PRKDC: variants seen among roughly 807,000 people sequenced by gnomAD.
PRKDC encodes DNA-dependent protein kinase catalytic subunit.
Under a neutral mutation model 486.9 loss-of-function variants are expected in PRKDC, and 82 were observed. The ratio of observed to expected loss-of-function variants is 0.17; its 90% CI spans 0.14 to 0.20. The LOEUF is 0.20. Among genes scored for constraint, PRKDC ranks in the 10% least tolerant of loss-of-function variants. PRKDC has a pLI of 1.00. For missense variants in PRKDC, 4,504 were observed against 5,038.2 expected, an observed-to-expected ratio of 0.89 and a Z score of 3.21; for synonymous variants, 1,895 against 1,837.0, an observed-to-expected ratio of 1.03 and a Z score of -0.81.
Position 47,879,647 on chromosome 8 carries a change from G to A in PRKDC, c.5079C>T (p.Val1693=). The A allele has an allele frequency of 2.5e-6, 4 of 1,578,548 alleles. No individual in the cohort carries two copies. Among genetic ancestry groups the A allele is most frequent in the Non-Finnish European group, 3.4e-6 (4 of 1,165,396 alleles). Residue 1693 remains valine, a synonymous_variant, in exon 39 of 86, where the codon GTC becomes GTT. Coordinates refer to ENST00000314191, the MANE Select transcript of PRKDC (RefSeq NM_006904.7). Reference sequence around the variant, plus strand: ...GGCTGGTGAAGAATGGAAGAAGAGTGACAGCTTGGCCCTGTGGAGCAAGAC... The same window carrying A: ...GGCTGGTGAAGAATGGAAGAAGAGTAACAGCTTGGCCCTGTGGAGCAAGAC... ...KLDLHLKGQA[V]TLLPFFTSLT...
chr8:47,836,515 C>T lies in PRKDC; in HGVS notation c.7774G>A (p.Asp2592Asn), dbSNP rs1274384392. The change falls in exon 58 of 86, where the codon GAT becomes AAT. Residue 2592 changes from aspartate (D) to asparagine (N), a missense_variant. Around this residue, in one of 6 missense-constraint regions of PRKDC, gnomAD observed 1,592 missense variants for 1,724.6 expected, o/e 0.92. Coordinates refer to ENST00000314191, the MANE Select transcript of PRKDC (RefSeq NM_006904.7). ...GTACTTCGGAAACGCCAATCAGAAT[C>T]AATGGTATATTCCTGTACATAAGAA... ...SECEFQEYTI[D>N]SDWRFRSTVL... 2 of 1,598,238 alleles carry T rather than the reference C, an allele frequency of 1.3e-6. No individual in the cohort carries two copies. Among genetic ancestry groups the T allele is most frequent in the Admixed American group, 1.7e-5 (1 of 57,406 alleles).
intron 65 of PRKDC, among the ~76,000 whole-genome samples, chr8:47,821,263 C>T (rs1336418002): frequency 6.6e-6 from 1 of 152,146 alleles, no homozygotes; most frequent in Non-Finnish European, 1.5e-5. Flanking sequence ...TGGAGAAAAG[C>T]GGAGAGCCTC....
chr8:47,818,080 A>G (rs968565127), intron 67 of PRKDC, among the ~76,000 whole-genome samples: 5 of 152,228 alleles, frequency 3.3e-5, no homozygotes, highest in African/African-American at 1.2e-4. Flanking sequence ...GATTCATAAT[A>G]ATCTTCACAA....
chr8:47,927,978 C>T, intron 19 of PRKDC, 88 bp from the exon 20 acceptor site: 1 of 1,207,188 alleles, frequency 8.3e-7, no homozygotes. Context: ...TTCTCAAATA[C>T]AAAAATTGGC....
At chr8:47,867,826 T>C (rs2088852278) in intron 40 of PRKDC, among the ~76,000 whole-genome samples, 1 of 152,252 alleles carries the variant, frequency 6.6e-6, no homozygotes, top group Non-Finnish European at 1.5e-5. Flanking sequence ...GGAGGAAGCA[T>C]GCACTCCTTC....
chr8:47,775,441 G>A (rs1269868643), intron 85 of PRKDC, among the ~76,000 whole-genome samples: 11 of 136,036 alleles, frequency 8.1e-5, no homozygotes, highest in East Asian at 6.8e-4. Context: ...GCGTGATCTC[G>A]GCTCACTGCA....
Position 47,881,467 on chromosome 8 carries a change from A to C in PRKDC, c.5016T>G (p.Phe1672Leu), listed in dbSNP as rs1483844624. The C allele has an allele frequency of 6.3e-7, 1 of 1,580,084 alleles. No individual in the cohort carries two copies. Among genetic ancestry groups the C allele is most frequent in the Admixed American group, 1.7e-5 (1 of 59,098 alleles). Residue 1672 changes from phenylalanine (F) to leucine (L), a missense_variant, in exon 38 of 86, where the codon TTT becomes TTG. Physicochemically the swap from Phe to Leu is conservative, Grantham distance 22. Transcript: ENST00000314191. ...CAGCAAGTAGACTAATATATGTTGT[A>C]AAGACTTCAGGGAATGAACCATGAC... ...NTSHGSFPEV[F>L]TTYISLLADT...
Position 47,830,650 on chromosome 8 carries a change from C to A in PRKDC, c.8352G>T (p.Gln2784His). 6.2e-7 allele frequency: 1 copy of A among 1,614,002 alleles called. No individual in the cohort carries two copies. Among genetic ancestry groups the A allele is most frequent in the Non-Finnish European group, 8.5e-7 (1 of 1,179,892 alleles). The change falls in exon 61 of 86, where the codon CAG (glutamine) becomes CAT (histidine). Residue 2784 changes from glutamine (Q) to histidine (H), a missense_variant. Transcript: ENST00000314191. ...GGGTGATGAGGCTGCTGTGCTTGAT[C>A]TGAATGTCAGGAAGGTCTCCGTGCC... ...SYRHGDLPDI[Q>H]IKHSSLITPL...
intron 69 of PRKDC, among the ~76,000 whole-genome samples, chr8:47,806,661 C>T (rs1008468450): frequency 2.6e-5 from 4 of 152,086 alleles, no homozygotes; most frequent in African/African-American, 9.7e-5. Flanking sequence ...AAGAAGGGGT[C>T]CTAGTATTAA....
At chr8:47,936,801 A>G (rs1342962759) in intron 11 of PRKDC, among the ~76,000 whole-genome samples, 2 of 131,568 alleles carry the variant, frequency 1.5e-5, no homozygotes, top group African/African-American at 5.8e-5. Flanking sequence ...TTTTTTTTGT[A>G]TTAAGTAGAG....
Position 47,957,248 on chromosome 8 carries a change from C to G in PRKDC, c.247G>C (p.Glu83Gln). The change falls in exon 3 of 86, where the codon GAA (glutamate) becomes CAA (glutamine). Residue 83 changes from glutamate (E) to glutamine (Q), a missense_variant. This residue lies in a region of PRKDC where 145 missense variants were observed against 136.3 expected (regional missense o/e 1.06). Coordinates refer to ENST00000314191, the MANE Select transcript of PRKDC (RefSeq NM_006904.7). Reference protein sequence around the residue: ...LNSIEFRECREEILKFLCIFL... With the variant: ...LNSIEFRECRQEILKFLCIFL... ...ATACATAAAAACTTTAGGATTTCTT[C>G]TCTACATTCACGAAACTGTAATGAA... 1 of 1,599,828 alleles carries G rather than the reference C, an allele frequency of 6.3e-7. No homozygotes were observed. The highest frequency in any genetic ancestry group is 8.6e-7 in the Non-Finnish European group (1 of 1,169,220).
intron 4 of PRKDC, among the ~76,000 whole-genome samples, chr8:47,955,461 CAAA>C (rs746883720): frequency 1.1e-4 from 2 of 18,532 alleles, no homozygotes; most frequent in African/African-American, 3.8e-4. Context: ...GACTCCGTCT[CAAA>C]AAAAAAAAAA....
chr8:47,776,749 T>G (rs2086614809), intron 85 of PRKDC, 95 bp downstream of exon 85: 3 of 1,440,214 alleles, frequency 2.1e-6, no homozygotes, highest in South Asian at 2.5e-5. Flanking sequence ...GCTAACAGAG[T>G]GTCAAGAGCT....
chr8:47,945,547 A>C (rs2090519087), intron 7 of PRKDC, among the ~76,000 whole-genome samples: 1 of 152,108 alleles, frequency 6.6e-6, no homozygotes, highest in South Asian at 2.1e-4. Flanking sequence ...TCCTGTCTGC[A>C]AGGTTCATCC....
At chr8:47,838,548 G>T (rs1052101411) in intron 56 of PRKDC, among the ~76,000 whole-genome samples, 2 of 152,060 alleles carry the variant, frequency 1.3e-5, no homozygotes, top group Non-Finnish European at 2.9e-5. Context: ...GGAGTCAGAG[G>T]CTACAGTGAG....
chr8:47,859,923 A>G (rs1188253944), intron 45 of PRKDC, among the ~76,000 whole-genome samples, 164 bp from the exon 46 acceptor site: 1 of 152,242 alleles, frequency 6.6e-6, no homozygotes, highest in East Asian at 1.9e-4. Flanking sequence ...AGCAAAAAAG[A>G]AATGGGGAAA....
chr8:47,824,092 T>C, intron 63 of PRKDC, 96 bp from the exon 64 acceptor site: 1 of 1,206,268 alleles, frequency 8.3e-7, no homozygotes, highest in Non-Finnish European at 1.1e-6. Context: ...TTGCCACACA[T>C]TATATTAACA....
rs186282299 is a variant in PRKDC at position 47,858,450 on chromosome 8, T to C, written c.6465+66A>G. ...ATTCATAGAATTGCAATTGATTCATTCATAGAATTGAATAAACAGACTTAC... is the reference window on the plus strand; with the variant it reads ...ATTCATAGAATTGCAATTGATTCATCCATAGAATTGAATAAACAGACTTAC... On this transcript the variant is annotated intron_variant, in intron 48 of 85. Transcript: ENST00000314191. 4.5e-6 allele frequency: 6 copies of C among 1,335,144 alleles called. No homozygotes were observed. The African/African-American group carries it at 4.6e-5, about 10-fold the overall frequency. 82.7% of individuals were successfully genotyped at this position (1,335,144 alleles called of 1,614,324 possible). A position where few individuals can be genotyped will look rare whatever the true frequency, so the allele number is the denominator to read the frequency against.
intron 71 of PRKDC, among the ~76,000 whole-genome samples, chr8:47,800,507 T>C (rs1054225706): frequency 6.6e-6 from 1 of 151,924 alleles, no homozygotes; most frequent in Non-Finnish European, 1.5e-5. Context: ...TACCTAATGC[T>C]AAATGATGAG....
Sources: allele counts gnomAD v4.1 joint callset (sites outside exome capture counted in the v4.1 genomes callset), GRCh38; gene constraint gnomAD v4.1.1; regional missense constraint gnomAD v4.1.1; transcripts MANE v1.5; gene names NCBI Gene and HGNC (gene_info 2026-07-23, HGNC 2026-07-21).